The following SCN4B variants were observed in gnomAD, a reference collection of about 807,000 sequenced individuals.
The protein encoded by SCN4B is sodium channel regulatory subunit beta-4.
SCN4B carries 20 observed loss-of-function variants against 19.6 expected under a neutral mutation model. The ratio of observed to expected loss-of-function variants is 1.02; its 90% CI spans 0.72 to 1.48. SCN4B has a LOEUF of 1.48. Ranked by LOEUF, SCN4B falls within the 40% of genes most tolerant of loss-of-function variation. The probability of loss-of-function intolerance (pLI) is 0.00; values close to 1 mark genes in which losing one functional copy is unlikely to be tolerated. For synonymous variants in SCN4B, 127 were observed against 122.8 expected, an observed-to-expected ratio of 1.03 and a Z score of -0.22; for missense variants, 271 against 287.5, an observed-to-expected ratio of 0.94 and a Z score of 0.42.
chr11:118,141,398 C>A (rs766951432), intron 3 of SCN4B, 62 bp from the exon 4 acceptor site: 1 of 1,607,342 alleles, frequency 6.2e-7, no homozygotes. Flanking sequence ...AACCTGGAGC[C>A]GAGAACTGTG....
At chr11:118,138,595 A>T (rs1324699581) in intron 4 of SCN4B, among the ~76,000 whole-genome samples, 2 of 152,010 alleles carry the variant, frequency 1.3e-5, no homozygotes, top group Admixed American at 6.5e-5. Context: ...ATAATTCTCT[A>T]CTGAGAACCT....
At position 118,134,686 on chromosome 11, in the gene SCN4B, AAGAG is replaced by A. The variant is rs774339465; in HGVS notation, c.*2337_*2340del. On this transcript the variant is annotated 3_prime_UTR_variant, in exon 5 of 5. Transcript: ENST00000324727. ...TTCCAAGGGGGGTGGGATGGAAAGA[AAGAG>A]AGAGAGAGTGTGTGTGTCTGTATGT... is the stretch of plus-strand genomic sequence containing the variant. The A allele has an allele frequency of 2.6e-5, 12 of 453,902 alleles. No homozygotes were observed. Among genetic ancestry groups the A allele is most frequent in the Non-Finnish European group, 1.8e-5 (4 of 226,762 alleles). The allele number at this position is 453,902 out of a possible 1,614,324, so 28.1% of individuals were successfully genotyped here. A position where few individuals can be genotyped will look rare whatever the true frequency, so the allele number is the denominator to read the frequency against.
chr11:118,133,737 C>T lies in SCN4B; in HGVS notation c.*3290G>A, dbSNP rs756022607. On this transcript the variant is annotated 3_prime_UTR_variant, in exon 5 of 5. Coordinates refer to ENST00000324727, the MANE Select transcript of SCN4B (RefSeq NM_174934.4). ...AGTAAAGCAAGTTATAGGATTTTCC[C>T]GAGAAGTCCCCGCTCCTGGAACTCC... 1.5e-5 allele frequency: 7 copies of T among 454,380 alleles called. No homozygotes were observed. Among genetic ancestry groups the T allele is most frequent in the South Asian group, 7.8e-5 (5 of 64,478 alleles). The allele number at this position is 454,380 out of a possible 1,614,324, so 28.1% of individuals were successfully genotyped here.
rs1210457574 is a variant in SCN4B, at chr11:118,145,755, G to C, written c.62-526C>G. On this transcript the variant is annotated intron_variant, in intron 1 of 4. Coordinates refer to ENST00000324727, the MANE Select transcript of SCN4B (RefSeq NM_174934.4). Reference sequence around the variant, plus strand: ...AGAGAAACGCGGCCGCCGCAGTCCCGGGCCGCCGTCCAGTAGCCTCTCGTT... The same window carrying C: ...AGAGAAACGCGGCCGCCGCAGTCCCCGGCCGCCGTCCAGTAGCCTCTCGTT... The C allele has an allele frequency of 5.0e-5, 13 of 259,988 alleles. No individual in the cohort carries two copies. In the Admixed American group the frequency reaches 6.4e-4, roughly 13 times the overall value. 16.1% of individuals were successfully genotyped at this position (259,988 alleles called of 1,614,324 possible). A position where few individuals can be genotyped will look rare whatever the true frequency, so the allele number is the denominator to read the frequency against.
intron 1 of SCN4B, among the ~76,000 whole-genome samples, chr11:118,147,544 A>G (rs1481516090): frequency 1.3e-5 from 2 of 152,152 alleles, no homozygotes; most frequent in Non-Finnish European, 2.9e-5. Flanking sequence ...TTAGCACTCC[A>G]TAGAACTCCT....
In SCN4B at chr11:118,136,040, G is replaced by GTT. The variant is rs762140499; in HGVS notation, c.*986_*987insAA. On this transcript the variant is annotated 3_prime_UTR_variant, in exon 5 of 5. Coordinates refer to ENST00000324727, the MANE Select transcript of SCN4B (RefSeq NM_174934.4). ...CAGGGCGTGATGGAGGGCACGGTGG[G>GTT]GGGGGGGGAGCGAGCCAATGGGAGG... 1 of 434,832 alleles carries GTT rather than the reference G, an allele frequency of 2.3e-6. No individual in the cohort carries two copies. The highest frequency in any genetic ancestry group is 4.6e-6 in the Non-Finnish European group (1 of 216,122). 26.9% of individuals were successfully genotyped at this position (434,832 alleles called of 1,614,324 possible).
rs375056921 is a variant in SCN4B at position 118,141,348 on chromosome 11, G to A, written c.464-12C>T. 22 of 1,612,180 alleles carry A rather than the reference G, an allele frequency of 1.4e-5. No individual in the cohort carries two copies. Among genetic ancestry groups the A allele is most frequent in the Middle Eastern group, 2.2e-4 (1 of 4,494 alleles). ...GTCCACTTCTTCCACTGTGTGGCCC[G>A]AGTAGGGAGGAAAGGGAAGGCACAA... On this transcript the variant is annotated splice_polypyrimidine_tract_variant and intron_variant, in intron 3 of 4. Coordinates refer to ENST00000324727, the MANE Select transcript of SCN4B (RefSeq NM_174934.4).
rs1401366862 is a variant in SCN4B at position 118,134,574 on chromosome 11, C to T, written c.*2453G>A. ...ATGCCCCCCCTACAATCTCAGTCACCTCTATTGAAAACCATCAAACAAAAG... is the reference window on the plus strand; with the variant it reads ...ATGCCCCCCCTACAATCTCAGTCACTTCTATTGAAAACCATCAAACAAAAG... On this transcript the variant is annotated 3_prime_UTR_variant, in exon 5 of 5. Transcript: ENST00000324727. 8.8e-6 allele frequency: 4 copies of T among 454,026 alleles called. No homozygotes were observed. Among genetic ancestry groups the T allele is most frequent in the South Asian group, 1.6e-5 (1 of 64,466 alleles). The allele number at this position is 454,026 out of a possible 1,614,324, so 28.1% of individuals were successfully genotyped here. A position where few individuals can be genotyped will look rare whatever the true frequency, so the allele number is the denominator to read the frequency against.
chr11:118,147,340 T>C (rs1948190364), intron 1 of SCN4B, among the ~76,000 whole-genome samples: 1 of 152,190 alleles, frequency 6.6e-6, no homozygotes, highest in Non-Finnish European at 1.5e-5. Context: ...ATACACTGTC[T>C]CATTTAACCC....
In SCN4B at chr11:118,136,944, C is replaced by T. The variant is rs1457573605; in HGVS notation, c.*83G>A. 3.2e-6 allele frequency: 3 copies of T among 923,620 alleles called. No homozygotes were observed. Among genetic ancestry groups the T allele is most frequent in the Non-Finnish European group, 5.3e-6 (3 of 566,922 alleles). 57.2% of individuals were successfully genotyped at this position (923,620 alleles called of 1,614,324 possible). A position where few individuals can be genotyped will look rare whatever the true frequency, so the allele number is the denominator to read the frequency against. On this transcript the variant is annotated 3_prime_UTR_variant, in exon 5 of 5. Coordinates refer to ENST00000324727, the MANE Select transcript of SCN4B (RefSeq NM_174934.4). ...AGCCAAGCAGCAGATGTCTCAGGCA[C>T]GTGGGTTCTACGGTCGGGGCTCAAG...
chr11:118,136,360 G>A lies in SCN4B; in HGVS notation c.*667C>T, dbSNP rs1948006384. On this transcript the variant is annotated 3_prime_UTR_variant, in exon 5 of 5. Transcript: ENST00000324727. ...AGCAGAGGAGCAGGCTAGGTGGCCA[G>A]GAACCCTCAAGACCAGGGTGGCCAG... is the stretch of plus-strand genomic sequence containing the variant. The A allele has an allele frequency of 2.2e-6, 1 of 453,736 alleles. No homozygotes were observed. The highest frequency in any genetic ancestry group is 4.4e-6 in the Non-Finnish European group (1 of 226,704). The allele number at this position is 453,736 out of a possible 1,614,324, so 28.1% of individuals were successfully genotyped here.
In SCN4B at chr11:118,136,909, C is replaced by T; in HGVS notation, c.*118G>A. ...CTCTGGTTTCTTGTGCCCGGAAAGA[C>T]TACAGTTTGAGCCAAGCAGCAGATG... On this transcript the variant is annotated 3_prime_UTR_variant, in exon 5 of 5. Coordinates refer to ENST00000324727, the MANE Select transcript of SCN4B (RefSeq NM_174934.4). The T allele has an allele frequency of 1.3e-6, 1 of 754,312 alleles. No individual in the cohort carries two copies. Among genetic ancestry groups the T allele is most frequent in the Non-Finnish European group, 2.4e-6 (1 of 423,804 alleles). The allele number at this position is 754,312 out of a possible 1,614,324, so 46.7% of individuals were successfully genotyped here. A position where few individuals can be genotyped will look rare whatever the true frequency, so the allele number is the denominator to read the frequency against.
At chr11:118,141,135 G>A in intron 4 of SCN4B, 72 bp downstream of exon 4, 1 of 1,595,174 alleles carries the variant, frequency 6.3e-7, no homozygotes, top group South Asian at 1.1e-5. Context: ...GTGGAAGGCT[G>A]AAAGCTGGTG....
At chr11:118,152,039 C>T (rs1398884243) in intron 1 of SCN4B, among the ~76,000 whole-genome samples, 2 of 152,172 alleles carry the variant, frequency 1.3e-5, no homozygotes, top group Non-Finnish European at 2.9e-5. Context: ...TCCCGCAAGC[C>T]CCTCCAGCCC....
chr11:118,141,670 C>T (rs1254556981), intron 3 of SCN4B: 5 of 373,362 alleles, frequency 1.3e-5, no homozygotes, highest in East Asian at 5.8e-5. Flanking sequence ...AATTGCCAGG[C>T]GAAAATTTCA....
At chr11:118,141,818 CAATGTTGGGCAGGTCATTGAA>C (rs1381111605) in intron 3 of SCN4B, 1 of 191,760 alleles carries the variant, frequency 5.2e-6, no homozygotes, top group African/African-American at 2.4e-5. Flanking sequence ...AACTAGCTGG[CAATGTTGGGCAGGTCATTGAA>C]CCCTCCTAGC....
chr11:118,141,468 C>A (rs1221631236), intron 3 of SCN4B, 132 bp from the exon 4 acceptor site: 5 of 1,025,534 alleles, frequency 4.9e-6, no homozygotes, highest in Non-Finnish European at 7.3e-6. Flanking sequence ...CACTCCCAGA[C>A]CCCCAGCCCT....
Position 118,152,715 on chromosome 11 carries a change from G to A in SCN4B, c.-42C>T. 1.3e-6 allele frequency: 2 copies of A among 1,525,974 alleles called. No homozygotes were observed. Among genetic ancestry groups the A allele is most frequent in the East Asian group, 2.4e-5 (1 of 42,324 alleles). The allele number at this position is 1,525,974 out of a possible 1,614,324, so 94.5% of individuals were successfully genotyped here. On this transcript the variant is annotated 5_prime_UTR_variant, in exon 1 of 5. Coordinates refer to ENST00000324727, the MANE Select transcript of SCN4B (RefSeq NM_174934.4). ...GAGCGCGCGGGGGTCGCGGGGATGGGATACTGGGCACAGCCGCGCTCTCCG... is the reference window on the plus strand; with the variant it reads ...GAGCGCGCGGGGGTCGCGGGGATGGAATACTGGGCACAGCCGCGCTCTCCG...
Position 118,152,820 on chromosome 11 carries a change from G to C in SCN4B, c.-147C>G. 3.6e-6 allele frequency: 2 copies of C among 551,300 alleles called. No individual in the cohort carries two copies. Among genetic ancestry groups the C allele is most frequent in the South Asian group, 2.8e-5 (1 of 35,450 alleles). The allele number at this position is 551,300 out of a possible 1,614,324, so 34.2% of individuals were successfully genotyped here. A position where few individuals can be genotyped will look rare whatever the true frequency, so the allele number is the denominator to read the frequency against. ...GGGCTCGGGAAAGTTAGCGGGCAGAGAGCGAGAGGAGGGGGAGGGAGGGAG... is the reference window on the plus strand; with the variant it reads ...GGGCTCGGGAAAGTTAGCGGGCAGACAGCGAGAGGAGGGGGAGGGAGGGAG... On this transcript the variant is annotated 5_prime_UTR_variant, in exon 1 of 5. Coordinates refer to ENST00000324727, the MANE Select transcript of SCN4B (RefSeq NM_174934.4).
Sources: gnomAD v4.1 joint callset for allele counts (sites outside exome capture counted in the v4.1 genomes callset) on GRCh38, gnomAD v4.1.1 for gene constraint, MANE v1.5 for transcripts, NCBI Gene and HGNC (gene_info 2026-07-23, HGNC 2026-07-21) for gene names.